The following ENGASE variants were observed in gnomAD, a reference collection of about 807,000 sequenced individuals.
ENGASE encodes the protein endo-beta-N-acetylglucosaminidase.
A neutral mutation model predicts 78.5 loss-of-function variants in ENGASE; 69 were observed. That is an observed-to-expected ratio of 0.88 (90% CI 0.72 to 1.07). ENGASE has a LOEUF of 1.07. Among genes scored for constraint, ENGASE ranks in the 50% least tolerant of loss-of-function variants. The pLI is 0.00. For missense variants in ENGASE, 943 were observed against 988.4 expected (o/e 0.95, Z 0.62); for synonymous variants, 408 against 408.9 (o/e 1.00, Z 0.03).
chr17:79,088,171 T>C lies in ENGASE; in HGVS notation c.*1822T>C, dbSNP rs541069831. On this transcript the variant is annotated 3_prime_UTR_variant, in exon 14 of 14. Transcript: ENST00000579016. ...CCGCATGTAGCCACTCACTCGACTTTTTTTCAGCTGTGACCATTCCCGGGA... is the reference window on the plus strand; with the variant it reads ...CCGCATGTAGCCACTCACTCGACTTCTTTTCAGCTGTGACCATTCCCGGGA... 2.1e-4 allele frequency: 30 copies of C among 142,460 alleles called. No individual in the cohort carries two copies. The highest frequency in any genetic ancestry group is 6.4e-4 in the African/African-American group (26 of 40,772). 8.8% of individuals were successfully genotyped at this position (142,460 alleles called of 1,614,324 possible).
At chr17:79,076,726 C>T (rs925905483) in intron 1 of ENGASE, among the ~76,000 whole-genome samples, 21 of 152,290 alleles carry the variant, frequency 1.4e-4, no homozygotes, top group African/African-American at 4.8e-4. Context: ...GAAGCCTGGT[C>T]TCTGCTCTCT....
chr17:79,076,894 A>G (rs2072981037), intron 1 of ENGASE, among the ~76,000 whole-genome samples: 1 of 151,986 alleles, frequency 6.6e-6, no homozygotes, highest in Admixed American at 6.6e-5. Context: ...TTTTTTTGAG[A>G]TGGAGTCTCG....
At chr17:79,082,225 G>T (rs765195705) in intron 7 of ENGASE, 162 bp downstream of exon 7, 1 of 1,549,628 alleles carries the variant, frequency 6.5e-7, no homozygotes, top group Admixed American at 2.0e-5. Context: ...GTCCTGCCCC[G>T]GCCAAGCTAT....
chr17:79,077,430 C>T lies in ENGASE; in HGVS notation c.147C>T (p.Ser49=), dbSNP rs780171305. ...AATGTACAACTCCCTCTTTGCTTAG[C>T]ATCAAAGATGAAGAAGAAGAGACAG... ...PRPRRRRPGR[S]IKDEEEETVF... is the part of the protein sequence containing the mutation. Residue 49 remains serine, a splice_region_variant and synonymous_variant, in exon 2 of 14, where the codon AGC becomes AGT. Coordinates refer to ENST00000579016, the MANE Select transcript of ENGASE (RefSeq NM_001042573.3). 1.3e-6 allele frequency: 2 copies of T among 1,593,704 alleles called. No homozygotes were observed. Among genetic ancestry groups the T allele is most frequent in the Non-Finnish European group, 1.7e-6 (2 of 1,174,342 alleles).
chr17:79,086,863 G>T lies in ENGASE; in HGVS notation c.*514G>T. 2.2e-6 allele frequency: 1 copy of T among 445,100 alleles called. No individual in the cohort carries two copies. Among genetic ancestry groups the T allele is most frequent in the Non-Finnish European group, 4.5e-6 (1 of 220,254 alleles). 27.6% of individuals were successfully genotyped at this position (445,100 alleles called of 1,614,324 possible). On this transcript the variant is annotated 3_prime_UTR_variant, in exon 14 of 14. Transcript: ENST00000579016. ...GGCTGCCTGCGGGATGGCGGGAGAG[G>T]ATGCCCTGGAGAACCGTCCTCCCAG...
chr17:79,082,520 G>C, intron 7 of ENGASE: 1 of 1,205,564 alleles, frequency 8.3e-7, no homozygotes, highest in Non-Finnish European at 1.0e-6. Flanking sequence ...TGGCAAGGCA[G>C]GTCACACCAG....
At position 79,083,860 on chromosome 17, in the gene ENGASE, A is replaced by T. The variant is rs1174835621; in HGVS notation, c.1351A>T (p.Thr451Ser). The T allele has an allele frequency of 8.1e-6, 13 of 1,612,754 alleles. No individual in the cohort carries two copies. In the East Asian group the frequency reaches 2.9e-4, roughly 36 times the overall value. ...LGGDGRGWVR[T>S]HCCLEDAWHG... Reference sequence around the variant, plus strand: ...AGGGGATGGCCGGGGCTGGGTGAGGACGCACTGCTGCCTGGAGGATGCCTG... The same window carrying T: ...AGGGGATGGCCGGGGCTGGGTGAGGTCGCACTGCTGCCTGGAGGATGCCTG... Residue 451 changes from threonine to serine, a missense_variant, in exon 10 of 14, where the codon ACG becomes TCG. Coordinates refer to ENST00000579016, the MANE Select transcript of ENGASE (RefSeq NM_001042573.3). The surrounding 1 kb of genome is among the most constrained non-coding windows in gnomAD (Gnocchi z 4.9).
intron 6 of ENGASE, among the ~76,000 whole-genome samples, chr17:79,081,554 T>C (rs2073137510): frequency 6.6e-6 from 1 of 152,050 alleles, no homozygotes. Flanking sequence ...CCATGGATGC[T>C]GGGCGAGGGT....
Position 79,074,910 on chromosome 17 carries a change from C to T in ENGASE, c.-35C>T. On this transcript the variant is annotated 5_prime_UTR_variant, in exon 1 of 14. Transcript: ENST00000579016. ...AGCGCGGCGCGGGGGCGGGCCCGGG[C>T]CTGCGATTGCCTCTCGGCGTGCGCG... The T allele has an allele frequency of 2.4e-6, 3 of 1,254,578 alleles. No individual in the cohort carries two copies. The highest frequency in any genetic ancestry group is 3.5e-5 in the Admixed American group (1 of 28,938). 77.7% of individuals were successfully genotyped at this position (1,254,578 alleles called of 1,614,324 possible).
chr17:79,083,320 C>A lies in ENGASE; in HGVS notation c.1143-162C>A. On this transcript the variant is annotated intron_variant, in intron 8 of 13. Transcript: ENST00000579016. The surrounding 1 kb of genome is among the most constrained non-coding windows in gnomAD (Gnocchi z 4.9). ...ACCCAGCGGCCGCTTCCTGCAGACT[C>A]GTGTTTGCAGCGTATCTGTAGACGG... 1 of 697,696 alleles carries A rather than the reference C, an allele frequency of 1.4e-6. No individual in the cohort carries two copies. Among genetic ancestry groups the A allele is most frequent in the Non-Finnish European group, 2.4e-6 (1 of 413,836 alleles). The allele number at this position is 697,696 out of a possible 1,614,324, so 43.2% of individuals were successfully genotyped here. A position where few individuals can be genotyped will look rare whatever the true frequency, so the allele number is the denominator to read the frequency against.
rs1383741989 is a variant in ENGASE at position 79,083,588 on chromosome 17, C to T, written c.1249C>T (p.Gln417Ter). Residue 417 changes from glutamine to a stop codon, truncating the protein, a stop_gained and splice_region_variant, in exon 9 of 14, where the codon CAG becomes TAG. Coordinates refer to ENST00000579016, the MANE Select transcript of ENGASE (RefSeq NM_001042573.3). LOFTEE classifies it high-confidence loss of function. The surrounding 1 kb of genome is among the most constrained non-coding windows in gnomAD (Gnocchi z 4.9). ...GGGTGCACGGAGGGTCTGCTATGGC[C>T]AGGTGGGTGGGTGTCTTCCCTCCGT... ...GMGARRVCYG[Q>*]EEAVGPWYHL... The T allele has an allele frequency of 1.2e-6, 2 of 1,613,424 alleles. No homozygotes were observed. The highest frequency in any genetic ancestry group is 3.3e-5 in the Admixed American group (2 of 59,996).
chr17:79,081,820 G>T, intron 6 of ENGASE, 78 bp from the exon 7 acceptor site: 1 of 1,527,528 alleles, frequency 6.5e-7, no homozygotes, highest in Non-Finnish European at 8.8e-7. Flanking sequence ...GAGGGGAAAG[G>T]CTGAGACTGC....
At chr17:79,077,968 C>CG in intron 3 of ENGASE, 104 bp downstream of exon 3, 1 of 1,228,082 alleles carries the variant, frequency 8.1e-7, no homozygotes, top group Non-Finnish European at 1.1e-6. Flanking sequence ...GAGCACTGGG[C>CG]GGGGAGTCAG....
rs1238132700 is a variant in ENGASE, at chr17:79,080,316, G to A, written c.675G>A (p.Gln225=). The A allele has an allele frequency of 6.2e-7, 1 of 1,613,920 alleles. No individual in the cohort carries two copies. The highest frequency in any genetic ancestry group is 1.7e-5 in the Admixed American group (1 of 60,018). ...AVADRLVQIT[Q]FFRFDGWLIN... is the part of the protein sequence containing the mutation. ...CTGACCGGCTGGTCCAGATCACTCAGTTTTTTCGTTTTGATGGCTGGCTGA... is the reference window on the plus strand; with the variant it reads ...CTGACCGGCTGGTCCAGATCACTCAATTTTTTCGTTTTGATGGCTGGCTGA... Residue 225 remains glutamine, a synonymous_variant, in exon 5 of 14, where the codon CAG becomes CAA. Coordinates refer to ENST00000579016, the MANE Select transcript of ENGASE (RefSeq NM_001042573.3).
At chr17:79,077,217 T>C (rs1440940023) in intron 1 of ENGASE, among the ~76,000 whole-genome samples, 1 of 152,208 alleles carries the variant, frequency 6.6e-6, no homozygotes, top group Non-Finnish European at 1.5e-5. Flanking sequence ...CGTGTGTCCA[T>C]GTGGAAGCCA....
At position 79,084,618 on chromosome 17, in the gene ENGASE, C is replaced by T. The variant is rs79861199; in HGVS notation, c.1523C>T (p.Thr508Ile). Residue 508 changes from threonine (T) to isoleucine (I), a missense_variant, in exon 11 of 14, where the codon ACA becomes ATA. By Grantham distance (89) the Thr-to-Ile change is moderately conservative (BLOSUM62 -1). Coordinates refer to ENST00000579016, the MANE Select transcript of ENGASE (RefSeq NM_001042573.3). ...VYKLEGPTDV[T>I]VALELTTGDA... ...AAGCTTGAGGGGCCCACGGACGTCA[C>T]AGTTGCTTTGGAGCTGACCACAGGG... 863 of 1,612,768 alleles carry T rather than the reference C, an allele frequency of 5.4e-4. 8 individuals are homozygous for T. In the East Asian group the frequency reaches 0.016, roughly 31 times the overall value.
Position 79,086,084 on chromosome 17 carries a change from C to T in ENGASE, c.1967C>T (p.Ser656Leu), listed in dbSNP as rs771221505. 39 of 1,613,532 alleles carry T rather than the reference C, an allele frequency of 2.4e-5. No individual in the cohort carries two copies. Among genetic ancestry groups the T allele is most frequent in the Non-Finnish European group, 3.1e-5 (36 of 1,180,052 alleles). The change falls in exon 14 of 14, where the codon TCA becomes TTA. Residue 656 changes from serine to leucine, a missense_variant. Transcript: ENST00000579016. ...SCTLHWSFLL[S>L]QVRCFRIHCW... The stretch of plus-strand genomic sequence containing the variant: ...ACCCTGCACTGGTCCTTCCTCCTCT[C>T]ACAAGTCCGTTGCTTCCGAATCCAC...
intron 7 of ENGASE, chr17:79,082,733 G>C: frequency 7.1e-7 from 1 of 1,413,558 alleles, no homozygotes; most frequent in East Asian, 3.5e-5. Context: ...TGAGAGGTGT[G>C]CCAGAGGACA....
chr17:79,085,892 C>G, intron 13 of ENGASE, 41 bp from the exon 14 acceptor site: 2 of 1,573,958 alleles, frequency 1.3e-6, no homozygotes, highest in South Asian at 2.3e-5. Context: ...CCTCTCCCCG[C>G]CCCCGGGCGT....
Sources: allele counts gnomAD v4.1 joint callset (sites outside exome capture counted in the v4.1 genomes callset), GRCh38; gene constraint gnomAD v4.1.1; non-coding constraint Gnocchi (gnomAD v3.1); transcripts MANE v1.5; gene names NCBI Gene and HGNC (gene_info 2026-07-23, HGNC 2026-07-21).